FARP1: variants seen among roughly 807,000 people sequenced by gnomAD.
FARP1 encodes the protein FERM, ARHGEF and pleckstrin domain-containing protein 1.
Under a neutral mutation model 128.8 loss-of-function variants are expected in FARP1, and 52 were observed. The ratio of observed to expected loss-of-function variants is 0.40; its 90% confidence interval spans 0.32 to 0.51. The LOEUF (loss-of-function observed/expected upper bound fraction) is 0.51. FARP1 is among the 20% of genes least tolerant of loss of function. The probability of loss-of-function intolerance (pLI) is 0.45; values close to 1 mark genes in which losing one functional copy is unlikely to be tolerated. For synonymous variants in FARP1, 580 were observed against 551.8 expected, an observed-to-expected ratio of 1.05 and a Z score of -0.72; for missense variants, 1,333 against 1,367.9, an observed-to-expected ratio of 0.97 and a Z score of 0.40.
chr13:98,285,667 C>G (rs1885130525), intron 2 of FARP1, among the ~76,000 whole-genome samples: 1 of 152,174 alleles, frequency 6.6e-6, no homozygotes, highest in Non-Finnish European at 1.5e-5. Flanking sequence ...GCTTTTTAAT[C>G]CAACAGGCAG....
intron 3 of FARP1, among the ~76,000 whole-genome samples, chr13:98,344,196 C>T (rs1474574916): frequency 6.6e-6 from 1 of 152,092 alleles, no homozygotes; most frequent in Non-Finnish European, 1.5e-5. Flanking sequence ...GAACTGTAGG[C>T]AGATTGGAAT....
chr13:98,452,671 T>C lies in FARP1; in HGVS notation c.*4354T>C, dbSNP rs1893253823. ...CCACTGACGTTATCTACAGAAGCAC[T>C]TGGCCAGTTTGTACACAGTGATTCC... On this transcript the variant is annotated 3_prime_UTR_variant, in exon 27 of 27. Transcript: ENST00000319562. The C allele has an allele frequency of 6.5e-6, 1 of 153,124 alleles. No individual in the cohort carries two copies. Among genetic ancestry groups the C allele is most frequent in the South Asian group, 2.1e-4 (1 of 4,862 alleles). The allele number at this position is 153,124 out of a possible 1,614,324, so 9.5% of individuals were successfully genotyped here.
At chr13:98,343,142 G>T (rs574174950) in intron 2 of FARP1, among the ~76,000 whole-genome samples, 1 of 152,304 alleles carries the variant, frequency 6.6e-6, no homozygotes, top group Admixed American at 6.5e-5. Context: ...TGACATTCTG[G>T]GAAAGGCAAA....
chr13:98,316,225 C>CCCT lies in FARP1; in HGVS notation c.172-27536_172-27534dup, dbSNP rs1184288380. ...ACCGCCTTGGCTCGAACCAGCTGTC[C>CCCT]CCTACTCTCAGATGTGGACTCCCTA... is the stretch of plus-strand genomic sequence containing the variant. On this transcript the variant is annotated intron_variant, in intron 2 of 26. Transcript: ENST00000319562. 3.9e-5 allele frequency among the ~76,000 whole-genome samples: 6 copies of CCCT among 152,170 alleles called. No homozygotes were observed. In the East Asian group the frequency reaches 1.2e-3, roughly 29 times the overall value.
chr13:98,321,518 G>A lies in FARP1; in HGVS notation c.172-22244G>A, dbSNP rs1886991591. Among the ~76,000 whole-genome samples the A allele has an allele frequency of 4.6e-5, 7 of 152,378 alleles. No homozygotes were observed. The South Asian group carries it at 1.0e-3, about 23-fold the overall frequency. ...TGTCATGCTCTTTAAGTGACAGATA[G>A]ACTGCTAGATTTATGGCCAAAGTAG... is the stretch of plus-strand genomic sequence containing the variant. On this transcript the variant is annotated intron_variant, in intron 2 of 26. Coordinates refer to ENST00000319562, the MANE Select transcript of FARP1 (RefSeq NM_005766.4).
rs1023502749 is a variant in FARP1, at chr13:98,451,371, C to T, written c.*3054C>T. 4 of 152,170 alleles carry T rather than the reference C, an allele frequency of 2.6e-5. No individual in the cohort carries two copies. The highest frequency in any genetic ancestry group is 9.7e-5 in the African/African-American group (4 of 41,440). The allele number at this position is 152,170 out of a possible 1,614,324, so 9.4% of individuals were successfully genotyped here. A position where few individuals can be genotyped will look rare whatever the true frequency, so the allele number is the denominator to read the frequency against. The stretch of plus-strand genomic sequence containing the variant: ...TGAAATCTTCTCCAATTTTATTATT[C>T]AACATAACATTCTTGTATGGAGTAA... On this transcript the variant is annotated 3_prime_UTR_variant, in exon 27 of 27. Coordinates refer to ENST00000319562, the MANE Select transcript of FARP1 (RefSeq NM_005766.4).
rs1358284771 is a variant in FARP1 at position 98,446,652 on chromosome 13, T to C, written c.2905-14T>C. Reference sequence around the variant, plus strand: ...GACCCCGAAAAGCCACTTTGCTTTGTTTCCCCTTTCCAGGACAATCATCCC... The same window carrying C: ...GACCCCGAAAAGCCACTTTGCTTTGCTTCCCCTTTCCAGGACAATCATCCC... On this transcript the variant is annotated splice_polypyrimidine_tract_variant and intron_variant, in intron 25 of 26. Transcript: ENST00000319562. 5 of 1,613,418 alleles carry C rather than the reference T, an allele frequency of 3.1e-6. No homozygotes were observed. The highest frequency in any genetic ancestry group is 1.7e-5 in the Admixed American group (1 of 59,968).
intron 5 of FARP1, among the ~76,000 whole-genome samples, chr13:98,372,158 C>T (rs551363163): frequency 8.6e-5 from 12 of 140,266 alleles, no homozygotes; most frequent in African/African-American, 3.0e-4. Flanking sequence ...ACGATCTTGG[C>T]TCACTGCAAC....
At chr13:98,180,408 C>G (rs988468131) in intron 1 of FARP1, among the ~76,000 whole-genome samples, 8 of 152,180 alleles carry the variant, frequency 5.3e-5, no homozygotes, top group Non-Finnish European at 1.2e-4. Flanking sequence ...CAGGCCCTAC[C>G]TCCAACACTA....
chr13:98,358,362 C>T (rs937936655), intron 3 of FARP1, among the ~76,000 whole-genome samples: 5 of 151,980 alleles, frequency 3.3e-5, no homozygotes, highest in Non-Finnish European at 7.4e-5. Context: ...TGGAGATCAC[C>T]GTTTCTCACT....
intron 16 of FARP1, among the ~76,000 whole-genome samples, chr13:98,413,858 G>A (rs771232211): frequency 7.2e-5 from 11 of 152,136 alleles, no homozygotes; most frequent in Non-Finnish European, 1.2e-4. Flanking sequence ...TGTTAGTACC[G>A]TCTTAGGCAA....
chr13:98,272,462 A>ACGGG (rs1300552300), intron 2 of FARP1, among the ~76,000 whole-genome samples: 1 of 152,216 alleles, frequency 6.6e-6, no homozygotes, highest in Non-Finnish European at 1.5e-5. Context: ...CCGTTCGTGA[A>ACGGG]ATGCATACCC....
intron 1 of FARP1, among the ~76,000 whole-genome samples, chr13:98,166,122 A>C (rs184878199): frequency 1.3e-5 from 2 of 152,300 alleles, no homozygotes; most frequent in East Asian, 3.9e-4. Context: ...AGATGGTTTC[A>C]TATTAGTACA....
intron 2 of FARP1, among the ~76,000 whole-genome samples, chr13:98,311,590 C>T (rs572825775): frequency 4.5e-4 from 68 of 152,076 alleles, no homozygotes; most frequent in Non-Finnish European, 7.2e-4. Flanking sequence ...TGTGCACACA[C>T]GTGCACACGT....
chr13:98,401,810 TC>T (rs1890783817), intron 13 of FARP1: 1 of 152,216 alleles, frequency 6.6e-6, no homozygotes, highest in Admixed American at 6.5e-5. Context: ...AATCTTCTTT[TC>T]CTGAAAGCTT....
chr13:98,285,801 T>C (rs1288960711), intron 2 of FARP1, among the ~76,000 whole-genome samples: 1 of 152,190 alleles, frequency 6.6e-6, no homozygotes, highest in Non-Finnish European at 1.5e-5. Flanking sequence ...AAGTTGTTGC[T>C]TTTCAACCAT....
At chr13:98,370,806 C>G (rs947840799) in intron 5 of FARP1, among the ~76,000 whole-genome samples, 5 of 152,150 alleles carry the variant, frequency 3.3e-5, no homozygotes, top group Admixed American at 6.5e-5. Flanking sequence ...AACGTTTGTG[C>G]TGCTAATCAT....
At position 98,397,229 on chromosome 13, in the gene FARP1, C is replaced by T. The variant is rs74798751; in HGVS notation, c.1414+1753C>T. The T allele has an allele frequency of 3.3e-5, 5 of 152,308 alleles. No homozygotes were observed. The East Asian group carries it at 7.7e-4, about 24-fold the overall frequency. 9.4% of individuals were successfully genotyped at this position (152,308 alleles called of 1,614,324 possible). ...TTTTAAGAAGTACAATTCTGCCTCT[C>T]AGAATCTCTTGGTGAAACTGAAATC... is the stretch of plus-strand genomic sequence containing the variant. On this transcript the variant is annotated intron_variant, in intron 13 of 26. Transcript: ENST00000319562.
chr13:98,350,463 C>T (rs375887988), intron 3 of FARP1, among the ~76,000 whole-genome samples: 5 of 152,250 alleles, frequency 3.3e-5, no homozygotes, highest in South Asian at 2.1e-4. Flanking sequence ...TGTGTGTCCT[C>T]GCTGATGGGC....
Sources: allele counts gnomAD v4.1 joint callset (sites outside exome capture counted in the v4.1 genomes callset), GRCh38; gene constraint gnomAD v4.1.1; transcripts MANE v1.5; gene names NCBI Gene and HGNC (gene_info 2026-07-23, HGNC 2026-07-21).